The following MRPL13 variants were observed in gnomAD, a reference collection of about 807,000 sequenced individuals.
MRPL13 encodes the protein mitochondrial ribosomal protein L13, also known as large ribosomal subunit protein uL13m.
MRPL13 carries 33 observed loss-of-function variants against 29.0 expected under a neutral mutation model. The ratio of observed to expected loss-of-function variants is 1.14; its 90% confidence interval spans 0.86 to 1.52. The LOEUF is 1.52. Ranked by LOEUF, MRPL13 falls within the 40% of genes most tolerant of loss-of-function variation. The probability of loss-of-function intolerance (pLI) is 0.00; values close to 1 mark genes in which losing one functional copy is unlikely to be tolerated. For synonymous variants in MRPL13, 77 were observed against 68.4 expected, an observed-to-expected ratio of 1.13 and a Z score of -0.62; for missense variants, 227 against 216.7, an observed-to-expected ratio of 1.05 and a Z score of -0.30.
chr8:120,432,994 T>C (rs1344752211), intron 2 of MRPL13, among the ~76,000 whole-genome samples: 1 of 152,030 alleles, frequency 6.6e-6, no homozygotes, highest in East Asian at 1.9e-4. Flanking sequence ...CTAAAGATTA[T>C]AAGATTCTAT....
chr8:120,431,976 C>T (rs1813001096), intron 3 of MRPL13, 54 bp downstream of exon 3: 5 of 1,256,872 alleles, frequency 4.0e-6, no homozygotes, highest in Middle Eastern at 1.9e-4. Flanking sequence ...CAACTGTATT[C>T]TTAAAGTAAT....
In MRPL13 at chr8:120,443,199, A is replaced by G; in HGVS notation, c.137T>C (p.Val46Ala). ...SIRLQGLHKP[V>A]YHALSDCGDH... ...ATAATACTTACTCAGTGCATGGTAC[A>G]CAGGTTTATGTAATCCCTGAAGTCT... The change falls in exon 2 of 7, where the codon GTG (valine) becomes GCG (alanine). Residue 46 changes from valine (V) to alanine (A), a missense_variant. Val to Ala is a moderately conservative substitution (Grantham distance 64). Coordinates refer to ENST00000306185, the MANE Select transcript of MRPL13 (RefSeq NM_014078.6). 2 of 1,598,562 alleles carry G rather than the reference A, an allele frequency of 1.3e-6. No individual in the cohort carries two copies. Among genetic ancestry groups the G allele is most frequent in the Non-Finnish European group, 1.7e-6 (2 of 1,173,730 alleles).
intron 4 of MRPL13, among the ~76,000 whole-genome samples, chr8:120,420,897 T>C (rs2130468918): frequency 6.6e-6 from 1 of 152,026 alleles, no homozygotes; most frequent in South Asian, 2.1e-4. Flanking sequence ...ATCTGCCCTA[T>C]TAGAAAATGC....
At chr8:120,420,026 G>A in intron 4 of MRPL13, 88 bp from the exon 5 acceptor site, 1 of 847,850 alleles carries the variant, frequency 1.2e-6, no homozygotes, top group South Asian at 2.6e-5. Flanking sequence ...ATGAAAATGA[G>A]GGGTTTAGAT....
At position 120,403,612 on chromosome 8, in the gene MRPL13, C is replaced by T. The variant is rs562305419; in HGVS notation, c.516-7487G>A. Among the ~76,000 whole-genome samples, 39 of 152,134 alleles carry T rather than the reference C, an allele frequency of 2.6e-4. No homozygotes were observed. The East Asian group carries it at 2.7e-3, about 11-fold the overall frequency. On this transcript the variant is annotated intron_variant, in intron 6 of 6. Coordinates refer to ENST00000306185, the MANE Select transcript of MRPL13 (RefSeq NM_014078.6). The stretch of plus-strand genomic sequence containing the variant: ...GTGTAACAAACCTGTACAACCTGCA[C>T]GTGTACCCTGGAACTTAAAATAAAT...
At chr8:120,418,023 T>C (rs1361728257) in intron 5 of MRPL13, among the ~76,000 whole-genome samples, 1 of 152,176 alleles carries the variant, frequency 6.6e-6, no homozygotes, top group African/African-American at 2.4e-5. Flanking sequence ...CCTATTCCTT[T>C]GTACCCATAG....
chr8:120,407,854 A>C (rs1032756639), intron 6 of MRPL13, among the ~76,000 whole-genome samples: 2 of 152,190 alleles, frequency 1.3e-5, no homozygotes, highest in African/African-American at 4.8e-5. Context: ...CTCTTACATA[A>C]TATTTCTTAG....
At chr8:120,403,390 C>T (rs563832930) in intron 6 of MRPL13, among the ~76,000 whole-genome samples, 13 of 152,176 alleles carry the variant, frequency 8.5e-5, no homozygotes, top group East Asian at 7.7e-4. Flanking sequence ...AATGTAGGAA[C>T]GGAAACCCAA....
At chr8:120,443,623 T>A (rs1356357755) in intron 1 of MRPL13, among the ~76,000 whole-genome samples, 1 of 151,950 alleles carries the variant, frequency 6.6e-6, no homozygotes, top group East Asian at 1.9e-4. Flanking sequence ...ATGACTTTTT[T>A]TTTTTTTTTT....
intron 6 of MRPL13, among the ~76,000 whole-genome samples, chr8:120,405,683 C>CA (rs1358268963): frequency 6.6e-6 from 1 of 152,114 alleles, no homozygotes; most frequent in Non-Finnish European, 1.5e-5. Flanking sequence ...TCTTTTCTCC[C>CA]AAACTGTAGT....
At chr8:120,399,852 T>C (rs1455605618) in intron 6 of MRPL13, among the ~76,000 whole-genome samples, 1 of 152,050 alleles carries the variant, frequency 6.6e-6, no homozygotes, top group Non-Finnish European at 1.5e-5. Flanking sequence ...CCTAATTTCT[T>C]ACAAAACAGA....
At chr8:120,414,519 G>A (rs1247615212) in intron 5 of MRPL13, 1 of 152,278 alleles carries the variant, frequency 6.6e-6, no homozygotes, top group Admixed American at 6.6e-5. Flanking sequence ...ATTTATCTAA[G>A]AAACATTTAT....
At chr8:120,422,641 T>C (rs1281800379) in intron 4 of MRPL13, among the ~76,000 whole-genome samples, 1 of 149,540 alleles carries the variant, frequency 6.7e-6, no homozygotes, top group Non-Finnish European at 1.5e-5. Context: ...TAGTTAAAAT[T>C]AAAAGTAATT....
chr8:120,412,191 A>C (rs1347149277), intron 6 of MRPL13, among the ~76,000 whole-genome samples: 1 of 152,204 alleles, frequency 6.6e-6, no homozygotes, highest in African/African-American at 2.4e-5. Flanking sequence ...CTGTAAGAAA[A>C]TCAGATACAT....
intron 2 of MRPL13, among the ~76,000 whole-genome samples, chr8:120,435,055 A>G (rs1422593687): frequency 6.6e-6 from 1 of 152,178 alleles, no homozygotes; most frequent in Non-Finnish European, 1.5e-5. Flanking sequence ...AGAGACACCA[A>G]TTCAGCTTGC....
At chr8:120,438,522 A>G (rs2130485709) in intron 2 of MRPL13, among the ~76,000 whole-genome samples, 1 of 152,332 alleles carries the variant, frequency 6.6e-6, no homozygotes, top group East Asian at 1.9e-4. Context: ...CTTTGAGTGG[A>G]CAGTTAGTGC....
intron 6 of MRPL13, among the ~76,000 whole-genome samples, chr8:120,413,640 G>C (rs1399178785): frequency 6.6e-6 from 1 of 152,130 alleles, no homozygotes; most frequent in African/African-American, 2.4e-5. Context: ...CTTTTCATTA[G>C]ATAATATTTT....
chr8:120,439,777 C>CTTTTTTTTTTTTTTTTTTTT (rs1813095565), intron 2 of MRPL13, among the ~76,000 whole-genome samples: 1 of 152,098 alleles, frequency 6.6e-6, no homozygotes, highest in African/African-American at 2.4e-5. Context: ...TTGAAATTTT[C>CTTTTTTTTTTTTTTTTTTTT]ATTAGGTAGA....
intron 2 of MRPL13, among the ~76,000 whole-genome samples, chr8:120,434,155 T>G (rs988575254): frequency 6.6e-6 from 1 of 152,078 alleles, no homozygotes; most frequent in Non-Finnish European, 1.5e-5. Flanking sequence ...AGGTCTCAGA[T>G]AGGTTACACC....
Sources: allele counts gnomAD v4.1 joint callset (sites outside exome capture counted in the v4.1 genomes callset), GRCh38; gene constraint gnomAD v4.1.1; transcripts MANE v1.5; gene names NCBI Gene and HGNC (gene_info 2026-07-23, HGNC 2026-07-21).